ZSWIM5: variants seen among roughly 807,000 people sequenced by gnomAD.
The protein encoded by ZSWIM5 is zinc finger SWIM-type containing 5.
A neutral mutation model predicts 119.6 loss-of-function variants in ZSWIM5; 55 were observed. The ratio of observed to expected loss-of-function variants is 0.46; its 90% CI spans 0.37 to 0.58. The LOEUF is 0.58. ZSWIM5 is among the 20% of genes least tolerant of loss of function. ZSWIM5 has a pLI of 0.00. For synonymous variants in ZSWIM5, 537 were observed against 606.9 expected (o/e 0.88, Z 1.69); for missense variants, 1,193 against 1,512.8 (o/e 0.79, Z 3.51).
At chr1:45,040,004 C>T (rs1645009989) in intron 7 of ZSWIM5, among the ~76,000 whole-genome samples, 1 of 151,684 alleles carries the variant, frequency 6.6e-6, no homozygotes, top group East Asian at 2.0e-4. Flanking sequence ...CATGCCTGGC[C>T]TTTATTTTAT....
At chr1:45,163,388 T>A (rs141133332) in intron 1 of ZSWIM5, among the ~76,000 whole-genome samples, 114 of 152,326 alleles carry the variant, frequency 7.5e-4, no homozygotes, top group African/African-American at 2.5e-3. Flanking sequence ...GCAGAAAAGC[T>A]GAAAATTCTA....
intron 1 of ZSWIM5, among the ~76,000 whole-genome samples, chr1:45,101,540 A>G (rs1645439653): frequency 6.6e-6 from 1 of 152,226 alleles, no homozygotes; most frequent in South Asian, 2.1e-4. Flanking sequence ...TCCACTACTG[A>G]GTATATACCC....
At chr1:45,040,668 CTG>C in intron 6 of ZSWIM5, 130 bp from the exon 7 acceptor site, 1 of 698,616 alleles carries the variant, frequency 1.4e-6, no homozygotes, top group Non-Finnish European at 2.2e-6. Context: ...ATACCAGGAA[CTG>C]TGTCTTTATC....
intron 10 of ZSWIM5, 126 bp from the exon 11 acceptor site, chr1:45,034,595 G>T: frequency 8.5e-7 from 1 of 1,178,290 alleles, no homozygotes; most frequent in Non-Finnish European, 1.2e-6. Context: ...AGCTTTGAAG[G>T]TTTTTAAACC....
In ZSWIM5 at chr1:45,088,450, C is replaced by T. The variant is rs776724878; in HGVS notation, c.596-213G>A. Among the ~76,000 whole-genome samples, 12 of 152,146 alleles carry T rather than the reference C, an allele frequency of 7.9e-5. No individual in the cohort carries two copies. The highest frequency in any genetic ancestry group is 2.1e-4 in the South Asian group (1 of 4,828). On this transcript the variant is annotated intron_variant, in intron 1 of 13. Coordinates refer to ENST00000359600, the MANE Select transcript of ZSWIM5 (RefSeq NM_020883.2). The surrounding 1 kb of genome is among the most constrained non-coding windows in gnomAD (Gnocchi z 4.2). Reference sequence around the variant, plus strand: ...TAGAAAGAGTCCTCACCCTGGAGTTCGTGAACCTCCTGAACTCACACTGAT... The same window carrying T: ...TAGAAAGAGTCCTCACCCTGGAGTTTGTGAACCTCCTGAACTCACACTGAT...
At chr1:45,202,782 CTTT>C (rs1413530511) in intron 1 of ZSWIM5, among the ~76,000 whole-genome samples, 2 of 148,954 alleles carry the variant, frequency 1.3e-5, no homozygotes, top group Non-Finnish European at 3.0e-5. Flanking sequence ...AGCAAAGCTT[CTTT>C]AAGTTTTACC....
chr1:45,068,560 C>T (rs1199682610), intron 2 of ZSWIM5, among the ~76,000 whole-genome samples: 1 of 151,778 alleles, frequency 6.6e-6, no homozygotes, highest in Non-Finnish European at 1.5e-5. Context: ...TTTTTCTCTA[C>T]CTCAAGGACA....
In ZSWIM5 at chr1:45,095,131, C is replaced by CT. The variant is rs11354372; in HGVS notation, c.596-6895dup. ...TCAGTGTTCAGATTTCCATAATTAACTTTTTTTTTTTTTTGAGACAGGGTC... is the reference window on the plus strand; with the variant it reads ...TCAGTGTTCAGATTTCCATAATTAACTTTTTTTTTTTTTTTGAGACAGGGTC... On this transcript the variant is annotated intron_variant, in intron 1 of 13. Transcript: ENST00000359600. Among the ~76,000 whole-genome samples, 425 of 146,776 alleles carry CT rather than the reference C, an allele frequency of 2.9e-3. 4 individuals carry two copies. In the East Asian group the frequency reaches 0.029, roughly 10 times the overall value.
At chr1:45,111,964 T>C (rs898877880) in intron 1 of ZSWIM5, among the ~76,000 whole-genome samples, 2 of 152,234 alleles carry the variant, frequency 1.3e-5, no homozygotes, top group African/African-American at 4.8e-5. Flanking sequence ...AAATTGCACA[T>C]GCTGGAGTCA....
intron 1 of ZSWIM5, among the ~76,000 whole-genome samples, chr1:45,103,678 A>G (rs1245032659): frequency 1.3e-5 from 2 of 152,226 alleles, no homozygotes; most frequent in African/African-American, 4.8e-5. Flanking sequence ...TGAAACTGAC[A>G]AGTGCTGTGA....
At chr1:45,180,596 C>T (rs1326757859) in intron 1 of ZSWIM5, among the ~76,000 whole-genome samples, 6 of 152,160 alleles carry the variant, frequency 3.9e-5, no homozygotes, top group Non-Finnish European at 8.8e-5. Flanking sequence ...TCCCAGCACG[C>T]AGCTGGAGAT....
rs1570059308 is a variant in ZSWIM5, at chr1:45,072,503, G to A, written c.953-12256C>T. Among the ~76,000 whole-genome samples the A allele has an allele frequency of 6.6e-6, 1 of 151,916 alleles. No individual in the cohort carries two copies. Among genetic ancestry groups the A allele is most frequent in the East Asian group, 1.9e-4 (1 of 5,202 alleles). ...ACTCAAGAAATCTTTGCCCAGTCCA[G>A]TGTCCTAGAGAGTTTCCCCAATGTT... On this transcript the variant is annotated intron_variant, in intron 2 of 13. Transcript: ENST00000359600. This position sits in a 1 kb window ranked among gnomAD's most constrained non-coding sequence, Gnocchi z 4.1.
chr1:45,118,540 A>T (rs960202582), intron 1 of ZSWIM5, among the ~76,000 whole-genome samples: 13 of 152,134 alleles, frequency 8.5e-5, no homozygotes, highest in Non-Finnish European at 1.8e-4. Context: ...CAGGAGTTTG[A>T]GATCAGCCTG....
rs780533419 is a variant in ZSWIM5 at position 45,088,166 on chromosome 1, T to C, written c.667A>G (p.Ile223Val). 7 of 1,614,104 alleles carry C rather than the reference T, an allele frequency of 4.3e-6. No homozygotes were observed. Among genetic ancestry groups the C allele is most frequent in the Non-Finnish European group, 4.2e-6 (5 of 1,180,036 alleles). ...GTGATTTTGCATCGATCAAAACTGA[T>C]TGCAACTTTATAAGTCACTGCTGGT... ...SEPAVTYKVA[I>V]SFDRCKITSV... The change falls in exon 2 of 14, where the codon ATC becomes GTC. Residue 223 changes from isoleucine to valine, a missense_variant. This residue lies in a region of ZSWIM5 where 961 missense variants were observed against 1,290.0 expected (regional missense o/e 0.74). Transcript: ENST00000359600. This position sits in a 1 kb window ranked among gnomAD's most constrained non-coding sequence, Gnocchi z 4.2.
chr1:45,060,312 G>A, intron 2 of ZSWIM5, 65 bp from the exon 3 acceptor site: 2 of 1,552,590 alleles, frequency 1.3e-6, no homozygotes, highest in Admixed American at 1.9e-5. Flanking sequence ...CAGCTGGAGG[G>A]GCACTTTGTG....
At chr1:45,142,003 G>T (rs746497570) in intron 1 of ZSWIM5, among the ~76,000 whole-genome samples, 30 of 152,042 alleles carry the variant, frequency 2.0e-4, no homozygotes, top group Non-Finnish European at 3.4e-4. Flanking sequence ...GAGCCTAGCA[G>T]TTCTAAGCCA....
At chr1:45,193,123 C>T (rs1252457560) in intron 1 of ZSWIM5, among the ~76,000 whole-genome samples, 1 of 152,010 alleles carries the variant, frequency 6.6e-6, no homozygotes, top group African/African-American at 2.4e-5. Flanking sequence ...AATATATATG[C>T]TGATCTTTGG....
intron 1 of ZSWIM5, among the ~76,000 whole-genome samples, chr1:45,121,598 TCTTC>T (rs1331210329): frequency 6.7e-6 from 1 of 148,414 alleles, no homozygotes; most frequent in Non-Finnish European, 1.5e-5. Flanking sequence ...TTTTTTTTCT[TCTTC>T]TTTTTTTTTT....
intron 1 of ZSWIM5, among the ~76,000 whole-genome samples, chr1:45,121,668 T>G (rs151286949): frequency 2.7e-5 from 4 of 149,910 alleles, no homozygotes; most frequent in African/African-American, 9.9e-5. Context: ...GGCACAATCA[T>G]AGCTCACTGT....
Sources: gnomAD v4.1 joint callset for allele counts (sites outside exome capture counted in the v4.1 genomes callset) on GRCh38, gnomAD v4.1.1 for gene constraint, gnomAD v4.1.1 regional missense constraint, Gnocchi (gnomAD v3.1) non-coding constraint, MANE v1.5 for transcripts, NCBI Gene and HGNC (gene_info 2026-07-23, HGNC 2026-07-21) for gene names.